PDE10A: variants seen among roughly 807,000 people sequenced by gnomAD.
The protein encoded by PDE10A is cAMP and cAMP-inhibited cGMP 3',5'-cyclic phosphodiesterase 10A.
Under a neutral mutation model 97.7 loss-of-function variants are expected in PDE10A, and 39 were observed. The observed-to-expected ratio is 0.40, with a 90% CI of 0.31 to 0.52. The LOEUF (loss-of-function observed/expected upper bound fraction) is 0.52. Ranked by LOEUF, PDE10A falls within the 20% of genes least tolerant of loss-of-function variation. The pLI, the probability that PDE10A is intolerant of heterozygous loss-of-function variation, is 0.56. For synonymous variants in PDE10A, 371 were observed against 376.8 expected, an observed-to-expected ratio of 0.98 and a Z score of 0.18; for missense variants, 731 against 1,047.8, an observed-to-expected ratio of 0.70 and a Z score of 4.17.
intron 1 of PDE10A, among the ~76,000 whole-genome samples, chr6:165,858,471 CT>C (rs1159606502): frequency 6.6e-6 from 1 of 152,190 alleles, no homozygotes; most frequent in Non-Finnish European, 1.5e-5. Context: ...CCAACTGTGA[CT>C]TCAACACTGA....
At chr6:165,688,657 T>A (rs1395676025) in intron 1 of PDE10A, among the ~76,000 whole-genome samples, 3 of 152,218 alleles carry the variant, frequency 2.0e-5, no homozygotes, top group South Asian at 4.1e-4. Flanking sequence ...GGACACATCA[T>A]CAGTGGAAGA....
chr6:165,564,482 A>G (rs528035279), intron 1 of PDE10A, among the ~76,000 whole-genome samples: 1 of 152,334 alleles, frequency 6.6e-6, no homozygotes, highest in East Asian at 1.9e-4. Flanking sequence ...TCAATCTTGC[A>G]TTAAGCCAAT....
intron 20 of PDE10A, among the ~76,000 whole-genome samples, chr6:165,338,014 T>C (rs60148254): frequency 0.012 from 1,901 of 152,286 alleles, 38 homozygotes; most frequent in African/African-American, 0.043. Flanking sequence ...CGAACAGGAA[T>C]GACTAACAGC....
intron 1 of PDE10A, among the ~76,000 whole-genome samples, chr6:165,584,575 T>C (rs137954083): frequency 9.8e-5 from 15 of 152,322 alleles, no homozygotes; most frequent in African/African-American, 3.6e-4. Context: ...CTCTTGCTTA[T>C]CCCAGCAAGT....
intron 3 of PDE10A, among the ~76,000 whole-genome samples, chr6:165,455,516 C>T (rs979443021): frequency 2.0e-5 from 3 of 152,260 alleles, no homozygotes; most frequent in Middle Eastern, 3.4e-3. Context: ...TGACCAAAAG[C>T]GGCAAAATAG....
intron 3 of PDE10A, among the ~76,000 whole-genome samples, chr6:165,474,344 T>C (rs576119101): frequency 1.3e-5 from 2 of 152,120 alleles, no homozygotes; most frequent in Non-Finnish European, 2.9e-5. Flanking sequence ...AGAAATAACA[T>C]ACAAGATACA....
In PDE10A at chr6:165,662,989, G is replaced by C. The variant is rs1790369977; in HGVS notation, c.-178C>G. On this transcript the variant is annotated 5_prime_UTR_variant, in exon 1 of 22. Coordinates refer to ENST00000539869, the MANE Select transcript of PDE10A (RefSeq NM_001385079.1). ...CAGTCTAGTCTTCACATTGTGCTCG[G>C]CTTGGGTTGCGGGAGGACCCGGGCC... 6.6e-6 allele frequency among the ~76,000 whole-genome samples: 1 copy of C among 151,382 alleles called. No homozygotes were observed.
intron 1 of PDE10A, among the ~76,000 whole-genome samples, chr6:165,980,413 A>G (rs1784979571): frequency 1.3e-5 from 2 of 152,242 alleles, no homozygotes; most frequent in Admixed American, 1.3e-4. Flanking sequence ...TATTTATAAA[A>G]GCAAGAGACT....
At chr6:165,563,266 G>A (rs747395255) in intron 1 of PDE10A, among the ~76,000 whole-genome samples, 1 of 150,946 alleles carries the variant, frequency 6.6e-6, no homozygotes, top group Non-Finnish European at 1.5e-5. Flanking sequence ...GAGGGAGGAA[G>A]GAGGGAAGGA....
intron 1 of PDE10A, among the ~76,000 whole-genome samples, chr6:165,965,950 A>G (rs1784497570): frequency 6.6e-6 from 1 of 152,214 alleles, no homozygotes; most frequent in African/African-American, 2.4e-5. Flanking sequence ...AAACTATATT[A>G]TTAGGGGTGA....
rs1028059392 is a variant in PDE10A, at chr6:165,388,697, T to C, written c.2455-244A>G. Among the ~76,000 whole-genome samples, 5 of 152,200 alleles carry C rather than the reference T, an allele frequency of 3.3e-5. No homozygotes were observed. The highest frequency in any genetic ancestry group is 5.9e-5 in the Non-Finnish European group (4 of 68,032). On this transcript the variant is annotated intron_variant, in intron 16 of 21. Transcript: ENST00000539869. This position sits in a 1 kb window ranked among gnomAD's most constrained non-coding sequence, Gnocchi z 4.0. The stretch of plus-strand genomic sequence containing the variant: ...TAGGAATCTGATAGTCAAATTATTT[T>C]TGAGTTTCTCTCTCAACTCTAGGAA...
chr6:165,493,840 T>G (rs1461035101), intron 2 of PDE10A, among the ~76,000 whole-genome samples: 12 of 151,862 alleles, frequency 7.9e-5, no homozygotes, highest in African/African-American at 9.7e-5. Flanking sequence ...CTTAAACTAA[T>G]AAGCTTCTGC....
intron 1 of PDE10A, among the ~76,000 whole-genome samples, chr6:165,555,216 C>T (rs976452967): frequency 5.3e-5 from 8 of 152,068 alleles, no homozygotes; most frequent in Admixed American, 2.0e-4. Flanking sequence ...GGGATGGATA[C>T]CCCATTCTCC....
chr6:165,495,992 G>C (rs1780513599), intron 2 of PDE10A, among the ~76,000 whole-genome samples: 1 of 152,042 alleles, frequency 6.6e-6, no homozygotes, highest in Admixed American at 6.5e-5. Flanking sequence ...GGAGAATGCA[G>C]ACCAGGATAA....
chr6:165,508,112 T>C (rs551540667), intron 2 of PDE10A, among the ~76,000 whole-genome samples: 1 of 152,202 alleles, frequency 6.6e-6, no homozygotes, highest in Admixed American at 6.6e-5. Flanking sequence ...GACACGTACA[T>C]ATTTAAAGTT....
At chr6:165,598,057 CA>C (rs1162338353) in intron 1 of PDE10A, among the ~76,000 whole-genome samples, 1 of 152,174 alleles carries the variant, frequency 6.6e-6, no homozygotes, top group African/African-American at 2.4e-5. Context: ...CGAGTCAAGC[CA>C]ACAAACCACT....
At chr6:165,525,973 G>C (rs1426587934) in intron 2 of PDE10A, among the ~76,000 whole-genome samples, 1 of 152,078 alleles carries the variant, frequency 6.6e-6, no homozygotes, top group East Asian at 1.9e-4. Flanking sequence ...GACAATTATG[G>C]CCCCTCAATT....
intron 1 of PDE10A, among the ~76,000 whole-genome samples, chr6:165,565,668 A>G (rs545432): frequency 0.97 from 147,751 of 152,242 alleles, 71,840 homozygotes; most frequent in East Asian, 1. Context: ...GACAATACCC[A>G]ACTTCAAGAC....
At chr6:165,615,366 T>C (rs961693610) in intron 1 of PDE10A, among the ~76,000 whole-genome samples, 8 of 152,204 alleles carry the variant, frequency 5.3e-5, no homozygotes, top group African/African-American at 1.9e-4. Flanking sequence ...ATGTCGGTTT[T>C]CTAGAAACAC....
Sources: allele counts gnomAD v4.1 joint callset (sites outside exome capture counted in the v4.1 genomes callset), GRCh38; gene constraint gnomAD v4.1.1; non-coding constraint Gnocchi (gnomAD v3.1); transcripts MANE v1.5; gene names NCBI Gene and HGNC (gene_info 2026-07-23, HGNC 2026-07-21).